Variants in LRRTM4 observed in about 807,000 individuals in gnomAD.
The protein encoded by LRRTM4 is leucine rich repeat transmembrane neuronal 4.
A neutral mutation model predicts 47.6 loss-of-function variants in LRRTM4; 25 were observed. The observed-to-expected ratio is 0.53, with a 90% CI of 0.38 to 0.73. The LOEUF (loss-of-function observed/expected upper bound fraction) is 0.73. LRRTM4 is among the 30% of genes least tolerant of loss of function. The pLI, the probability that LRRTM4 is intolerant of heterozygous loss-of-function variation, is 0.00. For synonymous variants in LRRTM4, 311 were observed against 269.5 expected (o/e 1.15, Z -1.51); for missense variants, 638 against 713.4 (o/e 0.89, Z 1.20).
intron 3 of LRRTM4, among the ~76,000 whole-genome samples, chr2:77,041,517 G>T (rs1573488847): frequency 6.6e-6 from 1 of 151,172 alleles, no homozygotes. Flanking sequence ...GTACTAATTT[G>T]CATTCCCACC....
intron 3 of LRRTM4, among the ~76,000 whole-genome samples, chr2:76,796,957 G>C (rs1675365639): frequency 6.6e-6 from 1 of 152,002 alleles, no homozygotes; most frequent in African/African-American, 2.4e-5. Context: ...AAGAAATATG[G>C]GACTATGTGA....
intron 3 of LRRTM4, among the ~76,000 whole-genome samples, chr2:76,787,013 AACATGAGGGATATCTAAG>A (rs1674708347): frequency 6.6e-6 from 1 of 152,050 alleles, no homozygotes. Context: ...TGACTTGTGG[AACATGAGGGATATCTAAG>A]GGAAGTACAT....
chr2:76,992,477 T>C (rs1677043630), intron 3 of LRRTM4, among the ~76,000 whole-genome samples: 1 of 151,658 alleles, frequency 6.6e-6, no homozygotes, highest in Non-Finnish European at 1.5e-5. Flanking sequence ...GTTGTATCTA[T>C]ATACAAATAA....
At chr2:76,868,026 A>G (rs546422232) in intron 3 of LRRTM4, among the ~76,000 whole-genome samples, 1 of 152,304 alleles carries the variant, frequency 6.6e-6, no homozygotes, top group South Asian at 2.1e-4. Context: ...TATTGAGTCA[A>G]GTCAGCTGTG....
intron 3 of LRRTM4, among the ~76,000 whole-genome samples, chr2:77,345,085 ACACT>A (rs1295176259): frequency 1.3e-4 from 19 of 151,328 alleles, no homozygotes; most frequent in Non-Finnish European, 2.1e-4. Flanking sequence ...AAATAGTAAA[ACACT>A]CAATAAAAAT....
intron 3 of LRRTM4, among the ~76,000 whole-genome samples, chr2:77,117,088 G>C (rs576391426): frequency 2.0e-5 from 3 of 152,160 alleles, no homozygotes; most frequent in South Asian, 4.2e-4. Flanking sequence ...CACTGAGCAT[G>C]ATAGTTATGA....
chr2:76,865,832 G>A (rs1672451117), intron 3 of LRRTM4, among the ~76,000 whole-genome samples: 1 of 152,156 alleles, frequency 6.6e-6, no homozygotes, highest in South Asian at 2.1e-4. Context: ...GATGTATTAT[G>A]ACTGTCACTT....
chr2:77,441,642 G>C (rs545481037), intron 3 of LRRTM4, among the ~76,000 whole-genome samples: 1 of 152,074 alleles, frequency 6.6e-6, no homozygotes, highest in South Asian at 2.1e-4. Context: ...ACATTGCAAA[G>C]ATGTATCATA....
At chr2:76,872,550 T>C (rs72821232) in intron 3 of LRRTM4, among the ~76,000 whole-genome samples, 2,279 of 151,998 alleles carry the variant, frequency 0.015, 52 homozygotes, top group East Asian at 0.077. Flanking sequence ...CTTGCTGTTT[T>C]TGTCACTTAC....
intron 3 of LRRTM4, among the ~76,000 whole-genome samples, 192 bp from the exon 4 acceptor site, chr2:76,749,108 G>T (rs138973926): frequency 1.2e-4 from 19 of 152,316 alleles, no homozygotes; most frequent in African/African-American, 4.1e-4. Flanking sequence ...CATATTATGT[G>T]TATAGACTTT....
At chr2:77,237,404 G>T (rs1205279252) in intron 3 of LRRTM4, among the ~76,000 whole-genome samples, 1 of 151,886 alleles carries the variant, frequency 6.6e-6, no homozygotes, top group East Asian at 1.9e-4. Flanking sequence ...TGTCACATTG[G>T]TCATTTCTGA....
chr2:77,110,487 G>A (rs2103932891), intron 3 of LRRTM4, among the ~76,000 whole-genome samples: 1 of 152,140 alleles, frequency 6.6e-6, no homozygotes, highest in African/African-American at 2.4e-5. Context: ...CATAATTTGG[G>A]TATTATACAT....
At chr2:76,892,258 C>A (rs1673279078) in intron 3 of LRRTM4, among the ~76,000 whole-genome samples, 1 of 151,206 alleles carries the variant, frequency 6.6e-6, no homozygotes, top group Admixed American at 6.6e-5. Flanking sequence ...TCTCGTTGGT[C>A]AATTTCCAAT....
At chr2:77,012,941 T>A (rs1016587238) in intron 3 of LRRTM4, among the ~76,000 whole-genome samples, 1 of 152,200 alleles carries the variant, frequency 6.6e-6, no homozygotes, top group Non-Finnish European at 1.5e-5. Context: ...TGTAGGCCTA[T>A]GGCACATCCT....
intron 3 of LRRTM4, among the ~76,000 whole-genome samples, chr2:77,001,010 A>G (rs1677404989): frequency 6.6e-6 from 1 of 152,144 alleles, no homozygotes; most frequent in African/African-American, 2.4e-5. Context: ...GCAACAACAG[A>G]ACCTGACACA....
At chr2:77,005,577 GGGA>G (rs1217517854) in intron 3 of LRRTM4, among the ~76,000 whole-genome samples, 1 of 152,138 alleles carries the variant, frequency 6.6e-6, no homozygotes, top group African/African-American at 2.4e-5. Flanking sequence ...GGGACCCAGT[GGGA>G]GGTAATTGAA....
At chr2:76,899,521 T>C (rs1280470581) in intron 3 of LRRTM4, among the ~76,000 whole-genome samples, 1 of 152,076 alleles carries the variant, frequency 6.6e-6, no homozygotes, top group African/African-American at 2.4e-5. Context: ...ACCCTGCAGA[T>C]GCCTGGGAGA....
intron 3 of LRRTM4, among the ~76,000 whole-genome samples, chr2:77,489,835 G>A (rs1365161377): frequency 6.6e-6 from 1 of 152,152 alleles, no homozygotes; most frequent in African/African-American, 2.4e-5. Flanking sequence ...CAGATGTGGA[G>A]AACTTTGTGT....
At chr2:76,873,847 G>A (rs1295924244) in intron 3 of LRRTM4, among the ~76,000 whole-genome samples, 1 of 151,720 alleles carries the variant, frequency 6.6e-6, no homozygotes, top group East Asian at 1.9e-4. Context: ...ATTCATGAAC[G>A]ATATAGGGAA....
Sources: gnomAD v4.1 joint callset for allele counts (sites outside exome capture counted in the v4.1 genomes callset) on GRCh38, gnomAD v4.1.1 for gene constraint, MANE v1.5 for transcripts, NCBI Gene and HGNC (gene_info 2026-07-23, HGNC 2026-07-21) for gene names.